PALS2: variants seen among roughly 807,000 people sequenced by gnomAD.
PALS2 encodes the protein protein associated with LIN7 2, MAGUK p55 family member, also known as protein PALS2.
In PALS2, 27 loss-of-function variants were observed where a neutral mutation model predicts 61.6. The observed-to-expected ratio is 0.44, with a 90% confidence interval of 0.32 to 0.60. The LOEUF (loss-of-function observed/expected upper bound fraction) is 0.60. PALS2 is among the 20% of genes least tolerant of loss of function. The pLI is 0.05. For synonymous variants in PALS2, 236 were observed against 218.6 expected (o/e 1.08, Z -0.70); for missense variants, 554 against 639.4 (o/e 0.87, Z 1.44).
intron 2 of PALS2, among the ~76,000 whole-genome samples, chr7:24,639,068 G>C (rs1031784998): frequency 1.3e-5 from 2 of 152,206 alleles, no homozygotes; most frequent in South Asian, 4.1e-4. Flanking sequence ...TGTGAGGATA[G>C]ATACGGTGTA....
Position 24,655,992 on chromosome 7 carries a change from A to G in PALS2, c.651+5280A>G, listed in dbSNP as rs146454010. 4.5e-3 allele frequency among the ~76,000 whole-genome samples: 690 copies of G among 152,248 alleles called. 6 individuals are homozygous for G. Among genetic ancestry groups the G allele is most frequent in the African/African-American group, 0.016 (649 of 41,548 alleles). On this transcript the variant is annotated intron_variant, in intron 5 of 11. Coordinates refer to ENST00000222644, the MANE Select transcript of PALS2 (RefSeq NM_001303037.2). ...ATCAAAAATGTGTGTGTACATCTGT[A>G]TTTAACGAAGTAGACCAAGTTCGTA...
chr7:24,668,647 A>G lies in PALS2; in HGVS notation c.1101A>G (p.Gly367=). 6.2e-7 allele frequency: 1 copy of G among 1,613,862 alleles called. No individual in the cohort carries two copies. The highest frequency in any genetic ancestry group is 8.5e-7 in the Non-Finnish European group (1 of 1,179,890). ...RFIVLNPTRF[G]TTVPFTSRKP... is the part of the protein sequence containing the mutation. ...TAGTATTGAATCCCACTAGATTTGG[A>G]ACTACGGTGCCATGTAAGTTTTCTG... Residue 367 remains glycine, a synonymous_variant, in exon 9 of 12, where the codon GGA becomes GGG. Coordinates refer to ENST00000222644, the MANE Select transcript of PALS2 (RefSeq NM_001303037.2).
At chr7:24,598,179 A>G (rs541460406) in intron 1 of PALS2, among the ~76,000 whole-genome samples, 1 of 152,336 alleles carries the variant, frequency 6.6e-6, no homozygotes, top group South Asian at 2.1e-4. Flanking sequence ...AAACCAAAGT[A>G]TATAAAGGAA....
At position 24,665,795 on chromosome 7, in the gene PALS2, ATCCC is replaced by A. The variant is rs573626210; in HGVS notation, c.883+115_883+118del. On this transcript the variant is annotated intron_variant, in intron 7 of 11. Transcript: ENST00000222644. ...TTTATTTAAAATATGTCTAGAATGA[ATCCC>A]TCCCTCTGCTTTCTCTCGCTCATAA... 8.4e-5 allele frequency: 89 copies of A among 1,061,988 alleles called. No homozygotes were observed. In the African/African-American group the frequency reaches 1.1e-3, roughly 14 times the overall value. The allele number at this position is 1,061,988 out of a possible 1,614,324, so 65.8% of individuals were successfully genotyped here.
chr7:24,626,174 A>G (rs1380595156), intron 2 of PALS2, among the ~76,000 whole-genome samples: 1 of 152,216 alleles, frequency 6.6e-6, no homozygotes, highest in Non-Finnish European at 1.5e-5. Flanking sequence ...AAATAATCAA[A>G]TGAACATTTT....
At chr7:24,585,436 A>C (rs986833916) in intron 1 of PALS2, among the ~76,000 whole-genome samples, 1 of 152,178 alleles carries the variant, frequency 6.6e-6, no homozygotes, top group Non-Finnish European at 1.5e-5. Context: ...TTCACTTAAA[A>C]GTTATTGATT....
intron 1 of PALS2, among the ~76,000 whole-genome samples, chr7:24,593,229 A>G (rs937791636): frequency 6.6e-6 from 1 of 152,082 alleles, no homozygotes; most frequent in African/African-American, 2.4e-5. Flanking sequence ...AAGTTTTATC[A>G]TGAGATTGTA....
intron 11 of PALS2, among the ~76,000 whole-genome samples, chr7:24,684,541 A>G (rs1484263604): frequency 6.6e-6 from 1 of 152,178 alleles, no homozygotes; most frequent in African/African-American, 2.4e-5. Context: ...GGAACCAGCC[A>G]TCCAGAAGCC....
chr7:24,613,276 A>G (rs1784177826), intron 1 of PALS2, among the ~76,000 whole-genome samples: 1 of 151,468 alleles, frequency 6.6e-6, no homozygotes, highest in South Asian at 2.1e-4. Context: ...AGTTTCTTCT[A>G]TTTGATCTAT....
At chr7:24,627,097 TAA>T (rs1784781438) in intron 2 of PALS2, among the ~76,000 whole-genome samples, 1 of 152,168 alleles carries the variant, frequency 6.6e-6, no homozygotes, top group South Asian at 2.1e-4. Context: ...GCACTTATTC[TAA>T]AATGGACCAC....
At chr7:24,684,529 C>T (rs1788098472) in intron 11 of PALS2, among the ~76,000 whole-genome samples, 1 of 152,178 alleles carries the variant, frequency 6.6e-6, no homozygotes, top group Non-Finnish European at 1.5e-5. Flanking sequence ...TGGCCCAGAC[C>T]TGGAACCAGC....
rs17149812 is a variant in PALS2 at position 24,664,043 on chromosome 7, A to G, written c.783+322A>G. Among the ~76,000 whole-genome samples the G allele has an allele frequency of 7.8e-3, 1,195 of 152,306 alleles. 29 individuals are homozygous for G. The East Asian group carries it at 0.092, about 12-fold the overall frequency. ...AACTCACTTGGGTCATCCCTTTTCA[A>G]AAGATAACTTGGGTTTTGTTTATTT... On this transcript the variant is annotated intron_variant, in intron 6 of 11. Coordinates refer to ENST00000222644, the MANE Select transcript of PALS2 (RefSeq NM_001303037.2).
intron 3 of PALS2, among the ~76,000 whole-genome samples, chr7:24,647,217 G>T (rs1785884491): frequency 6.6e-6 from 1 of 151,570 alleles, no homozygotes; most frequent in Non-Finnish European, 1.5e-5. Flanking sequence ...CACGATCTCG[G>T]TTCTCTGCAG....
intron 3 of PALS2, among the ~76,000 whole-genome samples, chr7:24,642,683 A>AT (rs1385853221): frequency 1.3e-5 from 2 of 152,144 alleles, no homozygotes; most frequent in Non-Finnish European, 2.9e-5. Flanking sequence ...TCAGCCAAAG[A>AT]TTTTATGTGA....
intron 1 of PALS2, among the ~76,000 whole-genome samples, chr7:24,583,412 T>C (rs1782925992): frequency 1.3e-5 from 2 of 152,130 alleles, no homozygotes; most frequent in Non-Finnish European, 2.9e-5. Context: ...AATTTAATGA[T>C]CTTTATAAAG....
intron 2 of PALS2, among the ~76,000 whole-genome samples, chr7:24,640,776 AGGCG>A (rs1562633919): frequency 6.6e-6 from 1 of 152,084 alleles, no homozygotes; most frequent in Non-Finnish European, 1.5e-5. Flanking sequence ...TGGGAGGCCG[AGGCG>A]GGTGGATCAC....
At chr7:24,586,628 TAAG>T (rs1783074688) in intron 1 of PALS2, among the ~76,000 whole-genome samples, 3 of 152,272 alleles carry the variant, frequency 2.0e-5, no homozygotes, top group African/African-American at 7.2e-5. Context: ...AGCTAGATAT[TAAG>T]AAGAGAAATT....
chr7:24,684,799 ACAT>A (rs1187920510), intron 11 of PALS2, among the ~76,000 whole-genome samples: 1 of 152,214 alleles, frequency 6.6e-6, no homozygotes, highest in African/African-American at 2.4e-5. Flanking sequence ...CCTGATGATA[ACAT>A]CATTTCTTAA....
chr7:24,676,425 G>A (rs1247637105), intron 9 of PALS2, among the ~76,000 whole-genome samples: 1 of 151,936 alleles, frequency 6.6e-6, no homozygotes, highest in Non-Finnish European at 1.5e-5. Context: ...ATTGCTTTTG[G>A]TGTTTTAGAC....
Sources: allele counts gnomAD v4.1 joint callset (sites outside exome capture counted in the v4.1 genomes callset), GRCh38; gene constraint gnomAD v4.1.1; transcripts MANE v1.5; gene names NCBI Gene and HGNC (gene_info 2026-07-23, HGNC 2026-07-21).